Variants in ANXA3 observed in about 807,000 individuals in gnomAD.
ANXA3 encodes 35-alpha calcimedin.
A neutral mutation model predicts 48.8 loss-of-function variants in ANXA3; 46 were observed. That is an observed-to-expected ratio of 0.94 (90% CI 0.74 to 1.21). The LOEUF (loss-of-function observed/expected upper bound fraction) is 1.21. ANXA3 is among the 50% of genes most tolerant of loss of function. The probability of loss-of-function intolerance (pLI) is 0.00; values close to 1 mark genes in which losing one functional copy is unlikely to be tolerated. For missense variants in ANXA3, 383 were observed against 378.6 expected, an observed-to-expected ratio of 1.01 and a Z score of -0.10; for synonymous variants, 128 against 134.7, an observed-to-expected ratio of 0.95 and a Z score of 0.35.
At chr4:78,578,365 G>A (rs1723005686) in intron 3 of ANXA3, among the ~76,000 whole-genome samples, 1 of 143,210 alleles carries the variant, frequency 7.0e-6, no homozygotes, top group Admixed American at 6.9e-5. Context: ...GAGGGAGAGA[G>A]GGAGGAAAGA....
At chr4:78,586,125 C>A in intron 5 of ANXA3, 135 bp from the exon 6 acceptor site, 1 of 471,096 alleles carries the variant, frequency 2.1e-6, no homozygotes, top group Non-Finnish European at 3.6e-6. Flanking sequence ...AAATAGAAAA[C>A]GAGAGCAATA....
At chr4:78,606,675 TTGAATGAA>T (rs10640523) in intron 12 of ANXA3, among the ~76,000 whole-genome samples, 1 of 151,968 alleles carries the variant, frequency 6.6e-6, no homozygotes, top group Non-Finnish European at 1.5e-5. Flanking sequence ...CAAATGGCCT[TTGAATGAA>T]TGAATGAATG....
intron 11 of ANXA3, chr4:78,602,444 G>A (rs946655738): frequency 2.6e-5 from 4 of 152,274 alleles, no homozygotes; most frequent in Admixed American, 1.3e-4. Flanking sequence ...TTCACAGTAA[G>A]TGCAGGCAGT....
At chr4:78,574,308 T>C (rs1028125324) in intron 3 of ANXA3, among the ~76,000 whole-genome samples, 1 of 152,090 alleles carries the variant, frequency 6.6e-6, no homozygotes, top group African/African-American at 2.4e-5. Flanking sequence ...TGATCCCAGC[T>C]ACTTGGGAGG....
chr4:78,604,052 A>T, intron 11 of ANXA3: 1 of 374,888 alleles, frequency 2.7e-6, no homozygotes, highest in East Asian at 4.2e-5. Flanking sequence ...GAAGCTTAAC[A>T]TGGGTATCTC....
intron 1 of ANXA3, among the ~76,000 whole-genome samples, chr4:78,553,281 T>C (rs1379000388): frequency 6.6e-6 from 1 of 152,204 alleles, no homozygotes; most frequent in Non-Finnish European, 1.5e-5. Flanking sequence ...GAAGATGTAA[T>C]ACCTAACTCA....
chr4:78,561,572 G>C (rs764074016), intron 2 of ANXA3, among the ~76,000 whole-genome samples: 1 of 151,998 alleles, frequency 6.6e-6, no homozygotes, highest in Non-Finnish European at 1.5e-5. Flanking sequence ...GCTCTTCTTT[G>C]CTATGCAAAT....
At chr4:78,555,009 C>A (rs1226279111) in intron 2 of ANXA3, among the ~76,000 whole-genome samples, 2 of 152,108 alleles carry the variant, frequency 1.3e-5, no homozygotes, top group Admixed American at 6.5e-5. Flanking sequence ...AGTTTGAGAC[C>A]AGCCTGGCCA....
In ANXA3 at chr4:78,591,582, A is replaced by G; in HGVS notation, c.442A>G (p.Thr148Ala). The stretch of plus-strand genomic sequence containing the variant: ...TCTTGGAGATGACATTAGTTCCGAA[A>G]CATCTGGTGACTTCCGGAAAGCTCT... Reference protein sequence around the residue: ...KSLGDDISSETSGDFRKALLT... With the variant: ...KSLGDDISSEASGDFRKALLT... The change falls in exon 7 of 13, where the codon ACA becomes GCA. Residue 148 changes from threonine to alanine, a missense_variant. Transcript: ENST00000264908. 1 of 1,613,764 alleles carries G rather than the reference A, an allele frequency of 6.2e-7. No individual in the cohort carries two copies. The highest frequency in any genetic ancestry group is 2.2e-5 in the East Asian group (1 of 44,856).
chr4:78,601,813 TTTC>T lies in ANXA3; in HGVS notation c.789+247_789+249del, dbSNP rs1276120229. The T allele has an allele frequency of 1.4e-5, 5 of 364,312 alleles. No homozygotes were observed. In the South Asian group the frequency reaches 3.8e-4, roughly 28 times the overall value. 22.6% of individuals were successfully genotyped at this position (364,312 alleles called of 1,614,324 possible). On this transcript the variant is annotated intron_variant, in intron 11 of 12. Transcript: ENST00000264908. ...TTTTTTCTAAGTAGGTATAATTTGATTTCTATTTAACTAAAACATTCTCATTTT... is the reference window on the plus strand; with the variant it reads ...TTTTTTCTAAGTAGGTATAATTTGATTATTTAACTAAAACATTCTCATTTT...
intron 3 of ANXA3, among the ~76,000 whole-genome samples, chr4:78,573,868 C>G (rs1040296504): frequency 2.0e-5 from 3 of 152,068 alleles, no homozygotes; most frequent in Non-Finnish European, 4.4e-5. Flanking sequence ...TAATGAGATC[C>G]TAGGAGAATC....
chr4:78,561,435 G>T (rs1341561590), intron 2 of ANXA3, among the ~76,000 whole-genome samples: 1 of 152,126 alleles, frequency 6.6e-6, no homozygotes, highest in Non-Finnish European at 1.5e-5. Flanking sequence ...TCCCATAGAA[G>T]ACACCAGCCC....
chr4:78,601,400 G>A (rs986704604), intron 10 of ANXA3, 110 bp from the exon 11 acceptor site: 1 of 952,204 alleles, frequency 1.1e-6, no homozygotes, highest in Non-Finnish European at 1.6e-6. Flanking sequence ...GTGGGGAGGG[G>A]ATAGAGTGGT....
At chr4:78,575,106 C>T (rs1027367883) in intron 3 of ANXA3, among the ~76,000 whole-genome samples, 1 of 152,212 alleles carries the variant, frequency 6.6e-6, no homozygotes, top group African/African-American at 2.4e-5. Flanking sequence ...CCTGTCTCTA[C>T]TCCAATGACT....
chr4:78,599,060 A>C (rs1327052145), intron 10 of ANXA3, among the ~76,000 whole-genome samples: 8 of 152,228 alleles, frequency 5.3e-5, no homozygotes, highest in Non-Finnish European at 1.0e-4. Flanking sequence ...TGAAGTTCAA[A>C]ATATGTTACA....
intron 2 of ANXA3, among the ~76,000 whole-genome samples, chr4:78,562,998 A>G (rs530753267): frequency 1.3e-5 from 2 of 152,316 alleles, no homozygotes; most frequent in South Asian, 2.1e-4. Context: ...AGGTATTACA[A>G]TTCTCTTTTA....
At chr4:78,577,260 C>A (rs1722975429) in intron 3 of ANXA3, among the ~76,000 whole-genome samples, 1 of 152,046 alleles carries the variant, frequency 6.6e-6, no homozygotes, top group Non-Finnish European at 1.5e-5. Context: ...TTAAGAGATG[C>A]AGATAATTGC....
rs183884121 is a variant in ANXA3, at chr4:78,595,730, T to C, written c.541-64T>C. ...CTGACCTCTGAAATACAACTCCGAT[T>C]CTTCTCATGTCACCTCTCAAAAAGA... On this transcript the variant is annotated intron_variant, in intron 8 of 12. Coordinates refer to ENST00000264908, the MANE Select transcript of ANXA3 (RefSeq NM_005139.3). The C allele has an allele frequency of 1.3e-5, 13 of 1,020,524 alleles. No individual in the cohort carries two copies. The East Asian group carries it at 3.2e-4, about 25-fold the overall frequency. 63.2% of individuals were successfully genotyped at this position (1,020,524 alleles called of 1,614,324 possible).
intron 7 of ANXA3, among the ~76,000 whole-genome samples, chr4:78,593,507 GTTT>G (rs550373077): frequency 7.0e-6 from 1 of 142,428 alleles, no homozygotes; most frequent in Admixed American, 7.0e-5. Flanking sequence ...CCGCCTTTGA[GTTT>G]TTTTTTTTTT....
Sources: allele counts gnomAD v4.1 joint callset (sites outside exome capture counted in the v4.1 genomes callset), GRCh38; gene constraint gnomAD v4.1.1; transcripts MANE v1.5; gene names NCBI Gene and HGNC (gene_info 2026-07-23, HGNC 2026-07-21).